Variants in PHIP observed in about 807,000 individuals in gnomAD.
PHIP encodes the protein PHIP subunit of CUL4-Ring ligase complex, also known as PH-interacting protein.
A neutral mutation model predicts 236.8 loss-of-function variants in PHIP; 54 were observed. The ratio of observed to expected loss-of-function variants is 0.23; its 90% CI spans 0.18 to 0.29. The LOEUF (loss-of-function observed/expected upper bound fraction) is 0.29. PHIP is among the 10% of genes least tolerant of loss of function. The pLI, the probability that PHIP is intolerant of heterozygous loss-of-function variation, is 1.00. For synonymous variants in PHIP, 756 were observed against 718.9 expected (o/e 1.05, Z -0.83); for missense variants, 1,370 against 2,190.8 (o/e 0.63, Z 7.48).
In PHIP at chr6:78,936,133, A is replaced by G. The variant is rs990694113; in HGVS notation, c.*4560T>C. The G allele has an allele frequency of 6.6e-6, 1 of 152,034 alleles. No homozygotes were observed. The highest frequency in any genetic ancestry group is 2.4e-5 in the African/African-American group (1 of 41,438). 9.4% of individuals were successfully genotyped at this position (152,034 alleles called of 1,614,324 possible). A position where few individuals can be genotyped will look rare whatever the true frequency, so the allele number is the denominator to read the frequency against. On this transcript the variant is annotated 3_prime_UTR_variant, in exon 40 of 40. Transcript: ENST00000275034. Reference sequence around the variant, plus strand: ...CGGAAGGAAAAAAACAAACTTCAATAAAGCTAAATAATTAATTTGTTTTAA... The same window carrying G: ...CGGAAGGAAAAAAACAAACTTCAATGAAGCTAAATAATTAATTTGTTTTAA...
At position 78,997,654 on chromosome 6, in the gene PHIP, A is replaced by G. The variant is rs536325182; in HGVS notation, c.2018-57T>C. On this transcript the variant is annotated intron_variant, in intron 18 of 39. Transcript: ENST00000275034. Reference sequence around the variant, plus strand: ...CTTAGAGATATTTCTCCATTAGTTTATAACAGAAAAAAGAGATAAAACACT... The same window carrying G: ...CTTAGAGATATTTCTCCATTAGTTTGTAACAGAAAAAAGAGATAAAACACT... 3.0e-6 allele frequency: 4 copies of G among 1,339,142 alleles called. No homozygotes were observed. In the African/African-American group the frequency reaches 4.4e-5, roughly 15 times the overall value. The allele number at this position is 1,339,142 out of a possible 1,614,324, so 83.0% of individuals were successfully genotyped here.
At position 78,934,966 on chromosome 6, in the gene PHIP, T is replaced by G. The variant is rs1478178954; in HGVS notation, c.*5727A>C. On this transcript the variant is annotated 3_prime_UTR_variant, in exon 40 of 40. Coordinates refer to ENST00000275034, the MANE Select transcript of PHIP (RefSeq NM_017934.7). ...CAGTAAGTGGTAAATGTGTTAAATT[T>G]ACCACACATTGATTACAAACACGAA... 6.6e-6 allele frequency among the ~76,000 whole-genome samples: 1 copy of G among 152,204 alleles called. No homozygotes were observed. Among genetic ancestry groups the G allele is most frequent in the Non-Finnish European group, 1.5e-5 (1 of 68,030 alleles).
At chr6:79,012,151 A>G (rs541748676) in intron 15 of PHIP, among the ~76,000 whole-genome samples, 7 of 151,796 alleles carry the variant, frequency 4.6e-5, no homozygotes, top group African/African-American at 1.7e-4. Flanking sequence ...ACAAAATACT[A>G]AATTATATGT....
intron 6 of PHIP, among the ~76,000 whole-genome samples, chr6:79,055,021 T>C (rs905832414): frequency 6.6e-6 from 1 of 151,980 alleles, no homozygotes; most frequent in Non-Finnish European, 1.5e-5. Context: ...CAAGGCAAAG[T>C]TTTTTCCTTA....
chr6:78,937,447 G>C lies in PHIP; in HGVS notation c.*3246C>G, dbSNP rs1358650420. The C allele has an allele frequency of 2.6e-5, 4 of 151,686 alleles. No individual in the cohort carries two copies. Among genetic ancestry groups the C allele is most frequent in the African/African-American group, 9.7e-5 (4 of 41,384 alleles). The allele number at this position is 151,686 out of a possible 1,614,324, so 9.4% of individuals were successfully genotyped here. A position where few individuals can be genotyped will look rare whatever the true frequency, so the allele number is the denominator to read the frequency against. On this transcript the variant is annotated 3_prime_UTR_variant, in exon 40 of 40. Coordinates refer to ENST00000275034, the MANE Select transcript of PHIP (RefSeq NM_017934.7). The stretch of plus-strand genomic sequence containing the variant: ...GCACTGCAGATGAGGGACAGTTCTA[G>C]ATGTTAACATACATGCTGCATAAAG...
At chr6:78,986,098 T>C (rs982777902) in intron 21 of PHIP, among the ~76,000 whole-genome samples, 2 of 152,166 alleles carry the variant, frequency 1.3e-5, no homozygotes, top group South Asian at 2.1e-4. Flanking sequence ...TTCTCTTCTA[T>C]AGGTGCTTTG....
At chr6:79,060,122 T>C (rs1773299289) in intron 6 of PHIP, among the ~76,000 whole-genome samples, 1 of 148,136 alleles carries the variant, frequency 6.8e-6, no homozygotes, top group Non-Finnish European at 1.5e-5. Context: ...AAAAAAAAAG[T>C]ACTGTGCTCT....
At chr6:78,972,770 G>C (rs562673102) in intron 24 of PHIP, among the ~76,000 whole-genome samples, 7 of 152,138 alleles carry the variant, frequency 4.6e-5, no homozygotes, top group Non-Finnish European at 7.3e-5. Context: ...CTGGAAGAAA[G>C]GGTATCAGCA....
rs188427855 is a variant in PHIP, at chr6:78,955,918, C to A, written c.3783-236G>T. 6.4e-4 allele frequency: 170 copies of A among 267,154 alleles called. 1 individual carries two copies. The highest frequency in any genetic ancestry group is 3.6e-3 in the African/African-American group (164 of 46,040). The allele number at this position is 267,154 out of a possible 1,614,324, so 16.5% of individuals were successfully genotyped here. ...TTACACCAAACCCAAGTCTCATCTC[C>A]CAGTCTTTGCTTAGGTATCTGCTGT... On this transcript the variant is annotated intron_variant, in intron 32 of 39. Coordinates refer to ENST00000275034, the MANE Select transcript of PHIP (RefSeq NM_017934.7).
chr6:78,981,880 A>G (rs112250917), intron 23 of PHIP, among the ~76,000 whole-genome samples: 1 of 152,150 alleles, frequency 6.6e-6, no homozygotes, highest in African/African-American at 2.4e-5. Flanking sequence ...AGCTTCCCCA[A>G]ACAAAAGCAA....
Position 79,042,988 on chromosome 6 carries a change from G to A in PHIP, c.455C>T (p.Ser152Leu). The change falls in exon 7 of 40, where the codon TCA (serine) becomes TTA (leucine). Residue 152 changes from serine (S) to leucine (L), a missense_variant. Transcript: ENST00000275034. ...SPPSIADTLF[S>L]RKLNGKYRLE... ...TCTGTATTTCCCATTCAGCTTCCTTGAAAACAGAGTATCCGCTACCAAGAA... is the reference window on the plus strand; with the variant it reads ...TCTGTATTTCCCATTCAGCTTCCTTAAAAACAGAGTATCCGCTACCAAGAA... 6.2e-7 allele frequency: 1 copy of A among 1,608,026 alleles called. No individual in the cohort carries two copies. Among genetic ancestry groups the A allele is most frequent in the Non-Finnish European group, 8.5e-7 (1 of 1,177,488 alleles).
intron 27 of PHIP, among the ~76,000 whole-genome samples, chr6:78,969,254 T>C (rs1280964741): frequency 6.6e-6 from 1 of 152,296 alleles, no homozygotes. Context: ...GGTATATCAA[T>C]TGATGTGCTT....
In PHIP at chr6:78,998,407, C is replaced by A. The variant is rs773498269; in HGVS notation, c.1880-16G>T. On this transcript the variant is annotated splice_polypyrimidine_tract_variant and intron_variant, in intron 17 of 39. Transcript: ENST00000275034. Reference sequence around the variant, plus strand: ...TGATTCAGTCCTATACAATACCACACAAAATATTACGAATATTTTAGCTAC... The same window carrying A: ...TGATTCAGTCCTATACAATACCACAAAAAATATTACGAATATTTTAGCTAC... 6.2e-7 allele frequency: 1 copy of A among 1,609,296 alleles called. No individual in the cohort carries two copies. Among genetic ancestry groups the A allele is most frequent in the Admixed American group, 1.7e-5 (1 of 59,744 alleles).
intron 27 of PHIP, among the ~76,000 whole-genome samples, chr6:78,966,717 G>T (rs2127701968): frequency 6.6e-6 from 1 of 152,292 alleles, no homozygotes; most frequent in South Asian, 2.1e-4. Flanking sequence ...AGCTATAAAT[G>T]CTATGGCTTT....
chr6:78,989,200 T>C (rs950149464), intron 20 of PHIP, among the ~76,000 whole-genome samples: 1 of 152,144 alleles, frequency 6.6e-6, no homozygotes, highest in Admixed American at 6.5e-5. Flanking sequence ...GAATCCTGCT[T>C]TGGGGTCAGG....
Position 78,947,497 on chromosome 6 carries a change from AG to A in PHIP, c.4206+125del. On this transcript the variant is annotated intron_variant, in intron 36 of 39. Transcript: ENST00000275034. ...GAAAGGTATAATTTCTTTTTCCAGT[AG>A]GACAACATTAAGAATGTAACAGAAA... The A allele has an allele frequency of 9.0e-6, 5 of 555,082 alleles. No individual in the cohort carries two copies. In the South Asian group the frequency reaches 1.3e-4, roughly 15 times the overall value. 34.4% of individuals were successfully genotyped at this position (555,082 alleles called of 1,614,324 possible). A position where few individuals can be genotyped will look rare whatever the true frequency, so the allele number is the denominator to read the frequency against.
intron 33 of PHIP, 22 bp from the exon 34 acceptor site, chr6:78,955,304 G>A (rs753331670): frequency 6.4e-7 from 1 of 1,569,680 alleles, no homozygotes; most frequent in South Asian, 1.1e-5. Flanking sequence ...GAATTTACCA[G>A]ATTCATAAAA....
chr6:78,957,123 A>T (rs1202027840), intron 32 of PHIP: 1 of 152,134 alleles, frequency 6.6e-6, no homozygotes, highest in East Asian at 1.9e-4. Context: ...TAAGTATTTC[A>T]TGAATCTGAC....
At chr6:78,985,639 G>A (rs369097910) in intron 21 of PHIP, among the ~76,000 whole-genome samples, 5 of 152,064 alleles carry the variant, frequency 3.3e-5, no homozygotes, top group African/African-American at 9.7e-5. Flanking sequence ...TTAGGGGTTC[G>A]AGACCAGCCT....
Sources: gnomAD v4.1 joint callset for allele counts (sites outside exome capture counted in the v4.1 genomes callset) on GRCh38, gnomAD v4.1.1 for gene constraint, MANE v1.5 for transcripts, NCBI Gene and HGNC (gene_info 2026-07-23, HGNC 2026-07-21) for gene names.